The following MYBL2 variants were observed in gnomAD, a reference collection of about 807,000 sequenced individuals.
MYBL2 encodes myb-related protein B.
A neutral mutation model predicts 79.9 loss-of-function variants in MYBL2; 28 were observed. That is an observed-to-expected ratio of 0.35 (90% CI 0.26 to 0.48). MYBL2 has a LOEUF of 0.48. MYBL2 is among the 20% of genes least tolerant of loss of function. The pLI, the probability that MYBL2 is intolerant of heterozygous loss-of-function variation, is 0.99. For synonymous variants in MYBL2, 378 were observed against 361.2 expected (o/e 1.05, Z -0.53); for missense variants, 735 against 893.9 (o/e 0.82, Z 2.27).
intron 5 of MYBL2, 133 bp from the exon 6 acceptor site, chr20:43,692,024 A>G (rs757238986): frequency 1.3e-6 from 1 of 764,708 alleles, no homozygotes; most frequent in Admixed American, 2.6e-5. Flanking sequence ...TGGAACTGAA[A>G]GAGACCTTAG....
At chr20:43,700,959 C>A (rs1026581033) in intron 7 of MYBL2, among the ~76,000 whole-genome samples, 2 of 152,146 alleles carry the variant, frequency 1.3e-5, no homozygotes, top group African/African-American at 2.4e-5. Flanking sequence ...AATTACAGTA[C>A]CTAACATTGG....
At chr20:43,667,444 T>C (rs1986745525) in intron 1 of MYBL2, 141 bp downstream of exon 1, 2 of 545,246 alleles carry the variant, frequency 3.7e-6, no homozygotes, top group Non-Finnish European at 5.2e-6. Flanking sequence ...TCCGCGGAAA[T>C]GCTGCGTCCT....
In MYBL2 at chr20:43,702,478, C is replaced by T. The variant is rs892893670; in HGVS notation, c.952-12C>T. On this transcript the variant is annotated splice_polypyrimidine_tract_variant and intron_variant, in intron 7 of 13. Transcript: ENST00000217026. ...ATAGTAATTGCAATTCCTAACCTCC[C>T]TCCCTGGACAGGACCCTGATGCTTG... 3 of 1,581,330 alleles carry T rather than the reference C, an allele frequency of 1.9e-6. No individual in the cohort carries two copies. Among genetic ancestry groups the T allele is most frequent in the African/African-American group, 2.7e-5 (2 of 74,240 alleles).
chr20:43,707,976 A>C (rs1987828174), intron 9 of MYBL2, among the ~76,000 whole-genome samples: 1 of 151,812 alleles, frequency 6.6e-6, no homozygotes, highest in Non-Finnish European at 1.5e-5. Flanking sequence ...ACATGATGGG[A>C]TTGTTTTCTG....
chr20:43,699,417 C>T (rs550274849), intron 6 of MYBL2, among the ~76,000 whole-genome samples: 5 of 152,226 alleles, frequency 3.3e-5, no homozygotes, highest in African/African-American at 7.2e-5. Context: ...AGAATAAGGC[C>T]ATTTGCTTAC....
At chr20:43,685,651 A>T (rs1304749951) in intron 4 of MYBL2, among the ~76,000 whole-genome samples, 2 of 152,138 alleles carry the variant, frequency 1.3e-5, no homozygotes, top group East Asian at 3.9e-4. Context: ...GCTACTCAGG[A>T]GGCTGAGGCG....
rs756752308 is a variant in MYBL2, at chr20:43,681,825, G to C, written c.156G>C (p.Gln52His). The C allele has an allele frequency of 6.2e-7, 1 of 1,614,184 alleles. No homozygotes were observed. The highest frequency in any genetic ancestry group is 1.7e-5 in the Admixed American group (1 of 60,008). The change falls in exon 3 of 14, where the codon CAG becomes CAC. Residue 52 changes from glutamine (Q) to histidine (H), a missense_variant. Gln to His is a conservative substitution (Grantham distance 24). Coordinates refer to ENST00000217026, the MANE Select transcript of MYBL2 (RefSeq NM_002466.4). Reference protein sequence around the residue: ...LRALVRQFGQQDWKFLASHFP... With the variant: ...LRALVRQFGQHDWKFLASHFP... ...CCCTGGTGAGGCAGTTTGGACAGCA[G>C]GACTGGAAGTTCCTGGCCAGCCACT...
At chr20:43,667,339 TC>T in intron 1 of MYBL2, 36 bp downstream of exon 1, 1 of 1,159,254 alleles carries the variant, frequency 8.6e-7, no homozygotes, top group East Asian at 3.5e-5. Flanking sequence ...CCCCTCCCCC[TC>T]CCTTTAACTC....
rs534060550 is a variant in MYBL2 at position 43,675,053 on chromosome 20, C to T, written c.114+1154C>T. 2.6e-5 allele frequency among the ~76,000 whole-genome samples: 4 copies of T among 152,102 alleles called. No individual in the cohort carries two copies. In the East Asian group the frequency reaches 7.8e-4, roughly 30 times the overall value. On this transcript the variant is annotated intron_variant, in intron 2 of 13. Transcript: ENST00000217026. Reference sequence around the variant, plus strand: ...GCTGGAGTGCCGTGCTAGCATGGCTCACTGTAGCCTCAACTTTCTGGGCTC... The same window carrying T: ...GCTGGAGTGCCGTGCTAGCATGGCTTACTGTAGCCTCAACTTTCTGGGCTC...
intron 1 of MYBL2, among the ~76,000 whole-genome samples, chr20:43,672,813 A>G (rs1568845208): frequency 1.3e-5 from 2 of 152,170 alleles, no homozygotes; most frequent in East Asian, 1.9e-4. Context: ...AATAACTAAT[A>G]TCTCTTAAAA....
intron 1 of MYBL2, 39 bp from the exon 2 acceptor site, chr20:43,673,767 G>T: frequency 6.4e-7 from 1 of 1,568,234 alleles, no homozygotes; most frequent in South Asian, 1.2e-5. Flanking sequence ...AAAACATATG[G>T]ACACACCATC....
chr20:43,680,895 G>A (rs1385081215), intron 2 of MYBL2, among the ~76,000 whole-genome samples: 1 of 152,074 alleles, frequency 6.6e-6, no homozygotes, highest in East Asian at 1.9e-4. Context: ...CAGCACAGCC[G>A]GGCTATAGGA....
intron 1 of MYBL2, among the ~76,000 whole-genome samples, chr20:43,668,427 C>G (rs1175618701): frequency 6.6e-6 from 1 of 152,058 alleles, no homozygotes; most frequent in Non-Finnish European, 1.5e-5. Flanking sequence ...GTCTCGATCT[C>G]CTGACCTTGT....
At chr20:43,673,358 C>T (rs914043138) in intron 1 of MYBL2, among the ~76,000 whole-genome samples, 3 of 150,814 alleles carry the variant, frequency 2.0e-5, no homozygotes, top group Admixed American at 6.6e-5. Context: ...GAGGTGAGGT[C>T]GGGTGTGGTG....
rs1987645761 is a variant in MYBL2, at chr20:43,700,042, T to G, written c.949T>G (p.Ser317Ala). ...SLSEALDLIE[S>A]DPDAWCDLSK... is the part of the protein sequence containing the mutation. Reference sequence around the variant, plus strand: ...CTCTGAAGCCCTGGACTTGATCGAGTCGGTATGTTGGTCACAACACTTCAC... The same window carrying G: ...CTCTGAAGCCCTGGACTTGATCGAGGCGGTATGTTGGTCACAACACTTCAC... The change falls in exon 7 of 14, where the codon TCG becomes GCG. Residue 317 changes from serine to alanine, a missense_variant and splice_region_variant. Around this residue, in one of 5 missense-constraint regions of MYBL2, gnomAD observed 243 missense variants for 327.2 expected, o/e 0.74. Transcript: ENST00000217026. 1 of 1,613,146 alleles carries G rather than the reference T, an allele frequency of 6.2e-7. No homozygotes were observed. Among genetic ancestry groups the G allele is most frequent in the Non-Finnish European group, 8.5e-7 (1 of 1,179,726 alleles).
At chr20:43,711,289 G>T (rs1466396346) in intron 10 of MYBL2, among the ~76,000 whole-genome samples, 199 bp from the exon 11 acceptor site, 1 of 152,218 alleles carries the variant, frequency 6.6e-6, no homozygotes, top group Non-Finnish European at 1.5e-5. Flanking sequence ...CAGGCCCCTG[G>T]GAATCAAGGT....
chr20:43,692,331 G>GCTCA lies in MYBL2; in HGVS notation c.663+13_663+16dup, dbSNP rs751321199. The stretch of plus-strand genomic sequence containing the variant: ...CCACGGAAGGCCAGGTGAGACAGCT[G>GCTCA]CTCAGCCTTTGGCTTGGTTTGATTT... On this transcript the variant is annotated intron_variant, in intron 6 of 13. Coordinates refer to ENST00000217026, the MANE Select transcript of MYBL2 (RefSeq NM_002466.4). 1.9e-6 allele frequency: 3 copies of GCTCA among 1,613,622 alleles called. No individual in the cohort carries two copies. In the Admixed American group the frequency reaches 5.0e-5, roughly 27 times the overall value.
chr20:43,712,826 A>C (rs1987940361), intron 11 of MYBL2, among the ~76,000 whole-genome samples, 176 bp from the exon 12 acceptor site: 1 of 152,120 alleles, frequency 6.6e-6, no homozygotes, highest in African/African-American at 2.4e-5. Flanking sequence ...CATGGGGCCT[A>C]ACTTTCCCAG....
intron 9 of MYBL2, 141 bp from the exon 10 acceptor site, chr20:43,709,822 C>A: frequency 1.5e-6 from 1 of 661,958 alleles, no homozygotes; most frequent in Non-Finnish European, 2.6e-6. Flanking sequence ...CTGACTTGGA[C>A]CTGCAGGGTG....
Sources: allele counts gnomAD v4.1 joint callset (sites outside exome capture counted in the v4.1 genomes callset), GRCh38; gene constraint gnomAD v4.1.1; regional missense constraint gnomAD v4.1.1; transcripts MANE v1.5; gene names NCBI Gene and HGNC (gene_info 2026-07-23, HGNC 2026-07-21).